Variants in STK39 observed in about 807,000 individuals in gnomAD.
The protein encoded by STK39 is serine/threonine kinase 39.
STK39 carries 20 observed loss-of-function variants against 77.8 expected under a neutral mutation model. The ratio of observed to expected loss-of-function variants is 0.26; its 90% CI spans 0.18 to 0.37. The LOEUF is 0.37. STK39 is among the 10% of genes least tolerant of loss of function. The pLI, the probability that STK39 is intolerant of heterozygous loss-of-function variation, is 1.00. For missense variants in STK39, 479 were observed against 656.5 expected (o/e 0.73, Z 2.95); for synonymous variants, 246 against 234.1 (o/e 1.05, Z -0.47).
intron 14 of STK39, among the ~76,000 whole-genome samples, chr2:168,031,657 G>A (rs1327972164): frequency 1.1e-4 from 17 of 152,206 alleles, no homozygotes; most frequent in Admixed American, 1.1e-3. Context: ...ACAGACATGT[G>A]CCCGCACAGA....
chr2:168,000,957 G>C (rs998375800), intron 16 of STK39, among the ~76,000 whole-genome samples: 1 of 152,086 alleles, frequency 6.6e-6, no homozygotes, highest in Non-Finnish European at 1.5e-5. Context: ...AAAGATTAAG[G>C]CATTAAATCC....
intron 1 of STK39, among the ~76,000 whole-genome samples, chr2:168,219,310 ATT>A (rs1690104564): frequency 6.6e-6 from 1 of 151,898 alleles, no homozygotes; most frequent in South Asian, 2.1e-4. Flanking sequence ...ATCTTCAGAT[ATT>A]TTCGGTGTGT....
At chr2:168,008,853 C>A (rs377037044) in intron 16 of STK39, among the ~76,000 whole-genome samples, 3 of 152,092 alleles carry the variant, frequency 2.0e-5, no homozygotes, top group African/African-American at 7.2e-5. Flanking sequence ...TCAACTACGC[C>A]CAATACTGCC....
chr2:167,985,183 T>C (rs1005139570), intron 16 of STK39, among the ~76,000 whole-genome samples: 3 of 152,222 alleles, frequency 2.0e-5, no homozygotes, highest in African/African-American at 7.2e-5. Context: ...ATTGAACAGA[T>C]AAGAAATACT....
At chr2:168,234,395 A>C (rs1574580432) in intron 1 of STK39, among the ~76,000 whole-genome samples, 1 of 152,226 alleles carries the variant, frequency 6.6e-6, no homozygotes, top group South Asian at 2.1e-4. Context: ...AAATAGCCAC[A>C]TATGGTTAGT....
chr2:168,039,076 T>C (rs1685033076), intron 14 of STK39, among the ~76,000 whole-genome samples: 1 of 151,962 alleles, frequency 6.6e-6, no homozygotes, highest in Non-Finnish European at 1.5e-5. Context: ...ACTTAAAGAC[T>C]ATACATGAAT....
At chr2:168,005,295 C>T (rs577664467) in intron 16 of STK39, among the ~76,000 whole-genome samples, 14 of 151,978 alleles carry the variant, frequency 9.2e-5, no homozygotes, top group Non-Finnish European at 1.9e-4. Context: ...TGTGAGCTAC[C>T]ATTCCTGGCC....
At chr2:168,066,305 T>C (rs1181034435) in intron 12 of STK39, among the ~76,000 whole-genome samples, 1 of 152,190 alleles carries the variant, frequency 6.6e-6, no homozygotes, top group Non-Finnish European at 1.5e-5. Context: ...GATGAATAGA[T>C]GGATATATAT....
At chr2:168,086,191 A>C (rs1206959224) in intron 10 of STK39, among the ~76,000 whole-genome samples, 5 of 152,192 alleles carry the variant, frequency 3.3e-5, no homozygotes, top group Non-Finnish European at 7.3e-5. Context: ...ATACTTAGTG[A>C]TTCTTTGAAA....
chr2:168,219,880 T>TC (rs150048296), intron 1 of STK39, among the ~76,000 whole-genome samples: 86,873 of 149,904 alleles, frequency 0.58, 28,730 homozygotes, highest in Non-Finnish European at 0.77. Context: ...TTTTTTTTTT[T>TC]TTTTTGCAAA....
At chr2:168,194,704 G>A (rs1318920558) in intron 1 of STK39, among the ~76,000 whole-genome samples, 1 of 152,010 alleles carries the variant, frequency 6.6e-6, no homozygotes, top group South Asian at 2.1e-4. Context: ...AAACATTATG[G>A]GTAAAGATAT....
At chr2:168,086,356 T>C (rs1425648958) in intron 10 of STK39, among the ~76,000 whole-genome samples, 3 of 152,244 alleles carry the variant, frequency 2.0e-5, no homozygotes, top group Admixed American at 2.0e-4. Context: ...TATGTTATTA[T>C]ACACTAAAAT....
At position 168,167,351 on chromosome 2, in the gene STK39, G is replaced by C. The variant is rs1435594249; in HGVS notation, c.378C>G (p.Thr126=). 6.2e-7 allele frequency: 1 copy of C among 1,613,768 alleles called. No individual in the cohort carries two copies. Among genetic ancestry groups the C allele is most frequent in the South Asian group, 1.1e-5 (1 of 91,062 alleles). The change falls in exon 3 of 18, where the codon ACC becomes ACG. Residue 126 remains threonine (T), a synonymous_variant. Transcript: ENST00000355999. ...AAAGTTCATCTTTGACCACAAAAGA[G>C]GTGTAATAGGTCACTACGTTGGGAT... The part of the protein sequence containing the change: ...CSHPNVVTYY[T]SFVVKDELWL...
chr2:168,100,722 G>A (rs7572212), intron 10 of STK39, among the ~76,000 whole-genome samples: 33,201 of 152,126 alleles, frequency 0.22, 3,785 homozygotes, highest in East Asian at 0.28. Flanking sequence ...TGCTGGAGAG[G>A]ATGTGGAGAA....
chr2:167,960,070 T>C (rs1251119420), intron 17 of STK39, among the ~76,000 whole-genome samples: 1 of 152,094 alleles, frequency 6.6e-6, no homozygotes, highest in African/African-American at 2.4e-5. Flanking sequence ...TAAAGACACT[T>C]TAAAAAACAA....
In STK39 at chr2:168,167,354, G is replaced by A. The variant is rs760407973; in HGVS notation, c.375C>T (p.Tyr125=). The A allele has an allele frequency of 8.7e-6, 14 of 1,613,662 alleles. No homozygotes were observed. Among genetic ancestry groups the A allele is most frequent in the Non-Finnish European group, 1.2e-5 (14 of 1,179,794 alleles). The stretch of plus-strand genomic sequence containing the variant: ...GTTCATCTTTGACCACAAAAGAGGT[G>A]TAATAGGTCACTACGTTGGGATGGC... ...QCSHPNVVTY[Y]TSFVVKDELW... is the part of the protein sequence containing the mutation. The change falls in exon 3 of 18, where the codon TAC becomes TAT. Residue 125 remains tyrosine (Y), a synonymous_variant. Transcript: ENST00000355999.
chr2:168,247,553 G>GCCA lies in STK39; in HGVS notation c.-119_-118insTGG. On this transcript the variant is annotated 5_prime_UTR_variant, in exon 1 of 18. Coordinates refer to ENST00000355999, the MANE Select transcript of STK39 (RefSeq NM_013233.3). ...GCGCACGCCCTCCCCGCCCGCCGCCGCCGCCGCCGTCCCCGCCGAAGCCAG... is the reference window on the plus strand; with the variant it reads ...GCGCACGCCCTCCCCGCCCGCCGCCGCCACCGCCGCCGTCCCCGCCGAAGCCAG... 1 of 722,748 alleles carries GCCA rather than the reference G, an allele frequency of 1.4e-6. No homozygotes were observed. The highest frequency in any genetic ancestry group is 1.8e-6 in the Non-Finnish European group (1 of 560,902). 44.8% of individuals were successfully genotyped at this position (722,748 alleles called of 1,614,324 possible).
intron 1 of STK39, among the ~76,000 whole-genome samples, chr2:168,242,787 G>A (rs1389975523): frequency 1.3e-5 from 2 of 150,700 alleles, no homozygotes; most frequent in Non-Finnish European, 3.0e-5. Context: ...CAGCTACTCA[G>A]GAGGCTGATG....
chr2:167,979,623 C>T (rs1683364936), intron 16 of STK39, among the ~76,000 whole-genome samples: 1 of 152,118 alleles, frequency 6.6e-6, no homozygotes. Context: ...CCAAGAGTGC[C>T]TATCAGGCAT....
Sources: gnomAD v4.1 joint callset for allele counts (sites outside exome capture counted in the v4.1 genomes callset) on GRCh38, gnomAD v4.1.1 for gene constraint, MANE v1.5 for transcripts, NCBI Gene and HGNC (gene_info 2026-07-23, HGNC 2026-07-21) for gene names.